CNTN6: variants seen among roughly 807,000 people sequenced by gnomAD.
The protein encoded by CNTN6 is contactin 6.
CNTN6 carries 137 observed loss-of-function variants against 122.8 expected under a neutral mutation model. The ratio of observed to expected loss-of-function variants is 1.12; its 90% CI spans 0.97 to 1.29. CNTN6 has a LOEUF of 1.29. Ranked by LOEUF, CNTN6 falls within the 50% of genes most tolerant of loss-of-function variation. The pLI is 0.00. For synonymous variants in CNTN6, 570 were observed against 426.0 expected (o/e 1.34, Z -4.16); for missense variants, 1,634 against 1,223.4 (o/e 1.34, Z -5.01).
At position 1,227,804 on chromosome 3, in the gene CNTN6, T is replaced by A. The variant is rs371237940; in HGVS notation, c.183-14T>A. 2 of 1,612,522 alleles carry A rather than the reference T, an allele frequency of 1.2e-6. No homozygotes were observed. The highest frequency in any genetic ancestry group is 1.1e-5 in the South Asian group (1 of 90,722). ...CTGTATATTATAAGCACTTTATTTT[T>A]TTTTTCCTTGAAGGTGGAAGCAAAA... On this transcript the variant is annotated splice_polypyrimidine_tract_variant and intron_variant, in intron 3 of 22. Coordinates refer to ENST00000446702, the MANE Select transcript of CNTN6 (RefSeq NM_001289080.2).
intron 1 of CNTN6, among the ~76,000 whole-genome samples, chr3:1,102,733 A>C (rs1486835308): frequency 2.7e-5 from 4 of 149,792 alleles, no homozygotes; most frequent in African/African-American, 4.9e-5. Flanking sequence ...GTCTCAAAAA[A>C]TAAATAAATA....
intron 4 of CNTN6, among the ~76,000 whole-genome samples, chr3:1,231,535 C>G (rs2094352406): frequency 6.6e-6 from 1 of 152,158 alleles, no homozygotes; most frequent in Admixed American, 6.5e-5. Context: ...TAGACACAGA[C>G]TGTAACACTC....
chr3:1,231,941 T>C (rs1374271090), intron 4 of CNTN6, among the ~76,000 whole-genome samples: 1 of 152,224 alleles, frequency 6.6e-6, no homozygotes, highest in African/African-American at 2.4e-5. Flanking sequence ...TTCTTTTATT[T>C]ATCAAAGCTT....
intron 2 of CNTN6, among the ~76,000 whole-genome samples, chr3:1,174,168 G>A (rs147145178): frequency 6.6e-6 from 1 of 152,110 alleles, no homozygotes; most frequent in African/African-American, 2.4e-5. Context: ...TCAGCTTGAG[G>A]CATTTCTCTG....
Position 1,104,093 on chromosome 3 carries a change from A to G in CNTN6, c.-83+10973A>G, listed in dbSNP as rs562600501. On this transcript the variant is annotated intron_variant, in intron 1 of 22. Coordinates refer to ENST00000446702, the MANE Select transcript of CNTN6 (RefSeq NM_001289080.2). ...AGTGATGCAACTATGAACAAGACAG[A>G]GAAGAGTTCTGCTCCTGTAAAATTC... Among the ~76,000 whole-genome samples, 32 of 152,274 alleles carry G rather than the reference A, an allele frequency of 2.1e-4. No homozygotes were observed. The South Asian group carries it at 6.0e-3, about 29-fold the overall frequency.
chr3:1,277,949 A>G (rs1692714998), intron 4 of CNTN6, among the ~76,000 whole-genome samples: 1 of 152,106 alleles, frequency 6.6e-6, no homozygotes, highest in Admixed American at 6.5e-5. Flanking sequence ...TTTTTGTCTC[A>G]TTGGTTCTGT....
At chr3:1,231,190 G>A (rs1020084810) in intron 4 of CNTN6, among the ~76,000 whole-genome samples, 5 of 152,116 alleles carry the variant, frequency 3.3e-5, no homozygotes, top group African/African-American at 1.2e-4. Context: ...AATCCAAAGC[G>A]AGACAGAGAT....
At chr3:1,169,826 A>C (rs1369902856) in intron 2 of CNTN6, among the ~76,000 whole-genome samples, 1 of 152,190 alleles carries the variant, frequency 6.6e-6, no homozygotes, top group Non-Finnish European at 1.5e-5. Flanking sequence ...TCCAAATATC[A>C]CCAAAAATTC....
At chr3:1,289,679 T>G (rs1330184565) in intron 5 of CNTN6, among the ~76,000 whole-genome samples, 1 of 50,570 alleles carries the variant, frequency 2.0e-5, no homozygotes, top group Non-Finnish European at 3.9e-5. Flanking sequence ...TTTTTGGGTT[T>G]TTTTTTTTTT....
chr3:1,188,325 C>G (rs6442270), intron 2 of CNTN6, among the ~76,000 whole-genome samples: 46,163 of 152,042 alleles, frequency 0.3, 8,725 homozygotes, highest in African/African-American at 0.53. Context: ...CTCTTATAAC[C>G]CTGTCCCCCA....
intron 11 of CNTN6, among the ~76,000 whole-genome samples, chr3:1,332,584 A>G (rs1702476873): frequency 6.6e-6 from 1 of 151,640 alleles, no homozygotes; most frequent in East Asian, 1.9e-4. Context: ...GAGAGAGAGG[A>G]AGCAGGAAGG....
intron 2 of CNTN6, among the ~76,000 whole-genome samples, chr3:1,174,015 A>AAC (rs1429094795): frequency 6.6e-6 from 1 of 152,198 alleles, no homozygotes; most frequent in Non-Finnish European, 1.5e-5. Flanking sequence ...CACTGGAGAA[A>AAC]ACACCAGTAA....
At chr3:1,161,333 A>G (rs1363835090) in intron 2 of CNTN6, among the ~76,000 whole-genome samples, 2 of 146,968 alleles carry the variant, frequency 1.4e-5, no homozygotes, top group Non-Finnish European at 3.0e-5. Context: ...ATACAATTCC[A>G]ATTGTCAGGT....
In CNTN6 at chr3:1,329,835, C is replaced by A; in HGVS notation, c.1264C>A (p.Gln422Lys). The A allele has an allele frequency of 6.2e-7, 1 of 1,609,826 alleles. No individual in the cohort carries two copies. The highest frequency in any genetic ancestry group is 2.2e-5 in the East Asian group (1 of 44,734). Residue 422 changes from glutamine to lysine, a missense_variant, in exon 11 of 23, where the codon CAA (glutamine) becomes AAA (lysine). Gln to Lys is a moderately conservative substitution (Grantham distance 53, BLOSUM62 1). Coordinates refer to ENST00000446702, the MANE Select transcript of CNTN6 (RefSeq NM_001289080.2). ...TCCAGTTAAAAAAAAGTCTTTTGTT[C>A]AAGTTGGTGGGGATATTGTTATCGG... ...KSPVKKKSFV[Q>K]VGGDIVIGCK...
At chr3:1,196,900 G>A (rs540190836) in intron 2 of CNTN6, among the ~76,000 whole-genome samples, 1 of 152,138 alleles carries the variant, frequency 6.6e-6, no homozygotes, top group African/African-American at 2.4e-5. Flanking sequence ...CCAGCCTAGC[G>A]CAGGTTAGAG....
intron 4 of CNTN6, among the ~76,000 whole-genome samples, chr3:1,266,121 A>G: frequency 6.6e-6 from 1 of 151,974 alleles, no homozygotes; most frequent in East Asian, 1.9e-4. Context: ...CAGGGTTACT[A>G]TCAACATTAA....
chr3:1,399,981 C>A (rs901317154), intron 20 of CNTN6, among the ~76,000 whole-genome samples: 1 of 152,030 alleles, frequency 6.6e-6, no homozygotes, highest in Non-Finnish European at 1.5e-5. Context: ...AGTGATATCC[C>A]AGTGGAAGTG....
At chr3:1,226,016 C>T (rs900078614) in intron 3 of CNTN6, among the ~76,000 whole-genome samples, 5 of 152,008 alleles carry the variant, frequency 3.3e-5, no homozygotes, top group Admixed American at 6.6e-5. Context: ...TTTGAAGACG[C>T]GCCCGAAGAA....
intron 7 of CNTN6, among the ~76,000 whole-genome samples, chr3:1,312,352 G>A (rs959461454): frequency 6.6e-6 from 1 of 151,688 alleles, no homozygotes; most frequent in Admixed American, 6.6e-5. Context: ...ATTTCTGGAA[G>A]CAACTCATCA....
Sources: allele counts gnomAD v4.1 joint callset (sites outside exome capture counted in the v4.1 genomes callset), GRCh38; gene constraint gnomAD v4.1.1; transcripts MANE v1.5; gene names NCBI Gene and HGNC (gene_info 2026-07-23, HGNC 2026-07-21).